The following ITPR2 variants were observed in gnomAD, a reference collection of about 807,000 sequenced individuals.
ITPR2 encodes inositol 1,4,5-trisphosphate receptor type 2, also known as inositol 1,4,5-trisphosphate-gated calcium channel ITPR2.
Under a neutral mutation model 317.1 loss-of-function variants are expected in ITPR2, and 207 were observed. That is an observed-to-expected ratio of 0.65 (90% CI 0.58 to 0.73). The LOEUF is 0.73. Among genes scored for constraint, ITPR2 ranks in the 30% least tolerant of loss-of-function variants. ITPR2 has a pLI of 0.00. For missense variants in ITPR2, 2,613 were observed against 3,284.0 expected (o/e 0.80, Z 4.99); for synonymous variants, 1,156 against 1,149.1 (o/e 1.01, Z -0.12).
intron 52 of ITPR2, among the ~76,000 whole-genome samples, chr12:26,404,786 A>G (rs945241259): frequency 1.3e-5 from 2 of 152,152 alleles, no homozygotes; most frequent in African/African-American, 4.8e-5. Context: ...TGTAAGAACA[A>G]TGGTCCAGCT....
Position 26,339,063 on chromosome 12 carries a change from T to C in ITPR2, c.*334A>G. ...CAGCATTTAAGACAAAACTGACTCC[T>C]ATCGATTTAGCAGAAGAGAGTTCTC... On this transcript the variant is annotated 3_prime_UTR_variant, in exon 57 of 57. Transcript: ENST00000381340. 1 of 200,268 alleles carries C rather than the reference T, an allele frequency of 5.0e-6. No individual in the cohort carries two copies. The highest frequency in any genetic ancestry group is 1.0e-5 in the Non-Finnish European group (1 of 99,052). 12.4% of individuals were successfully genotyped at this position (200,268 alleles called of 1,614,324 possible).
At chr12:26,402,197 A>C (rs1405557628) in intron 52 of ITPR2, among the ~76,000 whole-genome samples, 1 of 152,184 alleles carries the variant, frequency 6.6e-6, no homozygotes, top group Non-Finnish European at 1.5e-5. Flanking sequence ...GAAGAATATG[A>C]GGAAAAACAG....
intron 32 of ITPR2, among the ~76,000 whole-genome samples, chr12:26,585,545 C>G (rs1002061380): frequency 6.6e-6 from 1 of 152,118 alleles, no homozygotes; most frequent in Non-Finnish European, 1.5e-5. Context: ...GCAGGGACTA[C>G]AGGCGCATGC....
intron 55 of ITPR2, among the ~76,000 whole-genome samples, chr12:26,341,552 C>T (rs1122348): frequency 0.014 from 2,154 of 152,266 alleles, 170 homozygotes; most frequent in Admixed American, 0.13. Flanking sequence ...TAGTTCCCTA[C>T]CCCCAATGGC....
intron 2 of ITPR2, among the ~76,000 whole-genome samples, chr12:26,726,925 G>A (rs1300671929): frequency 6.6e-6 from 1 of 151,930 alleles, no homozygotes; most frequent in Admixed American, 6.6e-5. Context: ...CCATGTGATT[G>A]CCCCACCCCC....
At chr12:26,613,275 G>T (rs1946312336) in intron 26 of ITPR2, among the ~76,000 whole-genome samples, 1 of 152,084 alleles carries the variant, frequency 6.6e-6, no homozygotes, top group Non-Finnish European at 1.5e-5. Flanking sequence ...CCCAGCATAG[G>T]TTTGAACAGG....
intron 10 of ITPR2, among the ~76,000 whole-genome samples, chr12:26,687,868 G>T (rs184778055): frequency 1.3e-4 from 20 of 152,004 alleles, no homozygotes; most frequent in African/African-American, 4.6e-4. Flanking sequence ...TGAAAGCAGG[G>T]GTTCAGCAAA....
chr12:26,396,210 A>G (rs1281595508), intron 54 of ITPR2, among the ~76,000 whole-genome samples: 1 of 152,092 alleles, frequency 6.6e-6, no homozygotes, highest in Non-Finnish European at 1.5e-5. Context: ...AAAAAAATAC[A>G]GGGTGTGGGT....
intron 45 of ITPR2, among the ~76,000 whole-genome samples, chr12:26,452,256 TA>T (rs942306535): frequency 7.0e-4 from 106 of 151,776 alleles, no homozygotes; most frequent in African/African-American, 2.5e-3. Context: ...TTTTTTTTTT[TA>T]AACCAAAATT....
intron 15 of ITPR2, among the ~76,000 whole-genome samples, chr12:26,660,030 G>C (rs1947462048): frequency 6.6e-6 from 1 of 152,204 alleles, no homozygotes. Context: ...AGTGACATTT[G>C]AGCTAGGATG....
At chr12:26,796,302 A>C (rs1950442213) in intron 1 of ITPR2, among the ~76,000 whole-genome samples, 2 of 152,226 alleles carry the variant, frequency 1.3e-5, no homozygotes, top group African/African-American at 4.8e-5. Flanking sequence ...GAAAAATGCA[A>C]AATAACCCAG....
intron 37 of ITPR2, among the ~76,000 whole-genome samples, chr12:26,512,868 G>A (rs925316464): frequency 6.7e-6 from 1 of 150,044 alleles, no homozygotes; most frequent in Non-Finnish European, 1.5e-5. Context: ...CGTCACCCAG[G>A]CTAGAGTGCA....
At chr12:26,462,125 T>C (rs1386174767) in intron 45 of ITPR2, among the ~76,000 whole-genome samples, 1 of 144,200 alleles carries the variant, frequency 6.9e-6, no homozygotes, top group African/African-American at 2.6e-5. Flanking sequence ...CATACCTACA[T>C]GATTCCATGG....
At chr12:26,449,023 T>C (rs1200926681) in intron 45 of ITPR2, among the ~76,000 whole-genome samples, 6 of 152,124 alleles carry the variant, frequency 3.9e-5, no homozygotes, top group African/African-American at 1.4e-4. Flanking sequence ...TTCTTATCAC[T>C]AGGATTTTAA....
chr12:26,672,860 A>C (rs1054975149), intron 13 of ITPR2, among the ~76,000 whole-genome samples: 7 of 152,128 alleles, frequency 4.6e-5, no homozygotes, highest in African/African-American at 1.7e-4. Context: ...AAAAATGATA[A>C]AGGGGATATC....
At chr12:26,375,671 CAGTCTATAT>C (rs1476916260) in intron 55 of ITPR2, among the ~76,000 whole-genome samples, 2 of 152,168 alleles carry the variant, frequency 1.3e-5, no homozygotes, top group African/African-American at 4.8e-5. Context: ...CTGAATTTCT[CAGTCTATAT>C]AGTTTCCTTT....
chr12:26,565,844 G>A (rs74979900), intron 34 of ITPR2, among the ~76,000 whole-genome samples: 1 of 100,282 alleles, frequency 1.0e-5, no homozygotes, highest in African/African-American at 3.7e-5. Flanking sequence ...GGAGAGTAGA[G>A]AGGAGAGGAG....
At chr12:26,689,724 G>A (rs1948199002) in intron 10 of ITPR2, among the ~76,000 whole-genome samples, 1 of 152,146 alleles carries the variant, frequency 6.6e-6, no homozygotes, top group African/African-American at 2.4e-5. Context: ...CTTTTACAGG[G>A]CCCAGTAGAA....
At chr12:26,377,366 C>T (rs771434137) in intron 55 of ITPR2, among the ~76,000 whole-genome samples, 1 of 152,160 alleles carries the variant, frequency 6.6e-6, no homozygotes, top group Non-Finnish European at 1.5e-5. Context: ...CCTAGCACCT[C>T]GAACACAATA....
Sources: gnomAD v4.1 joint callset for allele counts (sites outside exome capture counted in the v4.1 genomes callset) on GRCh38, gnomAD v4.1.1 for gene constraint, MANE v1.5 for transcripts, NCBI Gene and HGNC (gene_info 2026-07-23, HGNC 2026-07-21) for gene names.